SLC4A11: variants seen among roughly 807,000 people sequenced by gnomAD.
The protein encoded by SLC4A11 is solute carrier family 4 member 11, also known as bicarbonate transporter related protein 1.
SLC4A11 carries 74 observed loss-of-function variants against 95.0 expected under a neutral mutation model. The observed-to-expected ratio is 0.78, with a 90% CI of 0.65 to 0.95. The LOEUF (loss-of-function observed/expected upper bound fraction) is 0.95, where lower values mean the gene tolerates loss of function less well. SLC4A11 is among the 40% of genes least tolerant of loss of function. The pLI is 0.00. For missense variants in SLC4A11, 1,081 were observed against 1,192.4 expected, an observed-to-expected ratio of 0.91 and a Z score of 1.38; for synonymous variants, 548 against 519.0, an observed-to-expected ratio of 1.06 and a Z score of -0.76.
At chr20:3,230,336 C>A in intron 12 of SLC4A11, 76 bp from the exon 13 acceptor site, 1 of 1,584,430 alleles carries the variant, frequency 6.3e-7, no homozygotes, top group Non-Finnish European at 8.7e-7. Context: ...TGAGCCCCTG[C>A]ACAGTCCCCT....
intron 1 of SLC4A11, chr20:3,237,993 C>T (rs752737704): frequency 1.3e-6 from 2 of 1,547,466 alleles, no homozygotes; most frequent in African/African-American, 1.4e-5. Flanking sequence ...TCCTCGGATG[C>T]CAAGGCGGGG....
Position 3,234,274 on chromosome 20 carries a change from T to C in SLC4A11, c.332A>G (p.His111Arg). ...CGCCAGGAAGCCATCTAGGTCGCGG[T>C]GCGCACGGATCTCTTCCTTGAAGTT... ...LKNFKEEIRA[H>R]RDLDGFLAQA... The change falls in exon 5 of 20, where the codon CAC becomes CGC. Residue 111 changes from histidine to arginine, a missense_variant. Around this residue, in one of 3 missense-constraint regions of SLC4A11, gnomAD observed 310 missense variants for 313.5 expected, o/e 0.99. Coordinates refer to ENST00000642402, the MANE Select transcript of SLC4A11 (RefSeq NM_001174089.2). This position sits in a 1 kb window ranked among gnomAD's most constrained non-coding sequence, Gnocchi z 5.8. 1 of 1,613,998 alleles carries C rather than the reference T, an allele frequency of 6.2e-7. No homozygotes were observed. Among genetic ancestry groups the C allele is most frequent in the Non-Finnish European group, 8.5e-7 (1 of 1,180,002 alleles).
intron 7 of SLC4A11, among the ~76,000 whole-genome samples, chr20:3,232,035 C>T (rs1034096742): frequency 6.6e-6 from 1 of 152,124 alleles, no homozygotes; most frequent in Non-Finnish European, 1.5e-5. Flanking sequence ...AGCAGATCAC[C>T]GCAACTACCA....
chr20:3,228,969 G>A lies in SLC4A11; in HGVS notation c.2061C>T (p.Leu687=), dbSNP rs140461431. 1,615 of 1,613,810 alleles carry A rather than the reference G, an allele frequency of 1.0e-3. 16 individuals are homozygous for A. In the African/African-American group the frequency reaches 0.019, roughly 19 times the overall value. ...GTAYHWDLLL[L]AIINTGLSLF... is the part of the protein sequence containing the mutation. Reference sequence around the variant, plus strand: ...GAGACAGCCCTGTGTTGATGATGGCGAGGAGCAGGAGGTCCCAGTGGTAGG... The same window carrying A: ...GAGACAGCCCTGTGTTGATGATGGCAAGGAGCAGGAGGTCCCAGTGGTAGG... The change falls in exon 17 of 20, where the codon CTC becomes CTT. Residue 687 remains leucine (L), a synonymous_variant. Transcript: ENST00000642402.
chr20:3,236,629 G>A (rs761526552), intron 2 of SLC4A11, among the ~76,000 whole-genome samples: 19 of 152,016 alleles, frequency 1.2e-4, no homozygotes. Context: ...CGTCCTCACT[G>A]CTTTGGTTCT....
chr20:3,229,060 G>GGGCCCCCCCCCCCCCC, intron 16 of SLC4A11, 35 bp downstream of exon 16: 2 of 1,542,034 alleles, frequency 1.3e-6, no homozygotes, highest in Non-Finnish European at 1.7e-6. Context: ...AGAGGCCCGG[G>GGGCCCCCCCCCCCCCC]CCCCGCCCAC....
Position 3,234,285 on chromosome 20 carries a change from C to T in SLC4A11, c.321G>A (p.Glu107=). The T allele has an allele frequency of 1.2e-6, 2 of 1,614,012 alleles. No homozygotes were observed. Among genetic ancestry groups the T allele is most frequent in the Non-Finnish European group, 1.7e-6 (2 of 1,180,012 alleles). The change falls in exon 5 of 20, where the codon GAG becomes GAA. Residue 107 remains glutamate (E), a synonymous_variant. Coordinates refer to ENST00000642402, the MANE Select transcript of SLC4A11 (RefSeq NM_001174089.2). The surrounding 1 kb of genome is among the most constrained non-coding windows in gnomAD (Gnocchi z 5.8). ...KYLKLKNFKE[E]IRAHRDLDGF... Reference sequence around the variant, plus strand: ...CATCTAGGTCGCGGTGCGCACGGATCTCTTCCTTGAAGTTCTTTAACTTCA... The same window carrying T: ...CATCTAGGTCGCGGTGCGCACGGATTTCTTCCTTGAAGTTCTTTAACTTCA...
Position 3,229,449 on chromosome 20 carries a change from G to A in SLC4A11, c.1746C>T (p.Pro582=). ...GYTLYQFKKS[P]YLHPCVREIL... ...TCTCTCGCACGCAGGGGTGCAGGTA[G>A]GGGCTGGGGACAGCAGGTGCATGAG... The change falls in exon 15 of 20, where the codon CCC becomes CCT. Residue 582 remains proline, a synonymous_variant. Transcript: ENST00000642402. The A allele has an allele frequency of 1.9e-6, 3 of 1,613,226 alleles. No individual in the cohort carries two copies. Among genetic ancestry groups the A allele is most frequent in the African/African-American group, 2.7e-5 (2 of 75,068 alleles).
Position 3,231,092 on chromosome 20 carries a change from G to A in SLC4A11, c.1043-34C>T, listed in dbSNP as rs1474255787. ...GGGGGATGGGAGAGAGGGTTTGCTG[G>A]GGATGCAGGACAGGCACACGTGTGG... is the stretch of plus-strand genomic sequence containing the variant. On this transcript the variant is annotated intron_variant, in intron 9 of 19. Coordinates refer to ENST00000642402, the MANE Select transcript of SLC4A11 (RefSeq NM_001174089.2). This position sits in a 1 kb window ranked among gnomAD's most constrained non-coding sequence, Gnocchi z 5.2. 5.6e-6 allele frequency: 9 copies of A among 1,614,152 alleles called. No homozygotes were observed. The highest frequency in any genetic ancestry group is 7.6e-6 in the Non-Finnish European group (9 of 1,180,022).
chr20:3,239,445 C>G (rs1215104700), upstream of SLC4A11: 12 of 1,047,552 alleles, frequency 1.1e-5, no homozygotes, highest in Non-Finnish European at 1.3e-5. Context: ...CTGTGCGCGC[C>G]GGACCCAGCA....
chr20:3,230,369 G>A (rs893036789), intron 12 of SLC4A11, 109 bp from the exon 13 acceptor site: 2 of 1,578,394 alleles, frequency 1.3e-6, no homozygotes, highest in Non-Finnish European at 1.7e-6. Flanking sequence ...CAGGAAGAAG[G>A]CCAGGGCCCC....
chr20:3,228,773 T>C (rs1003409298), intron 17 of SLC4A11, 65 bp downstream of exon 17: 18 of 1,612,716 alleles, frequency 1.1e-5, no homozygotes, highest in Non-Finnish European at 1.4e-5. Flanking sequence ...CTCCTCCCTA[T>C]GTCCCATGTG....
intron 1 of SLC4A11, 101 bp downstream of exon 1, chr20:3,238,994 G>A (rs1009608937): frequency 2.2e-6 from 3 of 1,366,618 alleles, no homozygotes; most frequent in Non-Finnish European, 2.8e-6. Flanking sequence ...CCCGGCCCGC[G>A]CAGGCAGACG....
At chr20:3,239,026 T>C in intron 1 of SLC4A11, 69 bp downstream of exon 1, 2 of 1,445,236 alleles carry the variant, frequency 1.4e-6, no homozygotes, top group Non-Finnish European at 1.8e-6. Context: ...CTCCCCGGGG[T>C]CCCCGACGGG....
chr20:3,235,717 G>C (rs2067961555), intron 2 of SLC4A11, among the ~76,000 whole-genome samples: 1 of 152,080 alleles, frequency 6.6e-6, no homozygotes, highest in African/African-American at 2.4e-5. Context: ...CTGGTAACAT[G>C]CAAATATTCC....
intron 1 of SLC4A11, 122 bp from the exon 2 acceptor site, chr20:3,237,710 G>C: frequency 6.2e-7 from 1 of 1,613,966 alleles, no homozygotes; most frequent in African/African-American, 1.3e-5. Context: ...TGCAACCCAC[G>C]CCACCCTAGG....
rs200017060 is a variant in SLC4A11, at chr20:3,230,433, C to A, written c.1415+82G>T. On this transcript the variant is annotated intron_variant, in intron 12 of 19. Coordinates refer to ENST00000642402, the MANE Select transcript of SLC4A11 (RefSeq NM_001174089.2). ...TTGGGGCAGCAATATGGTGGGGGCA[C>A]CCCCACCACCCTGGGGTTACAGGGG... 6.2e-6 allele frequency: 10 copies of A among 1,605,180 alleles called. No individual in the cohort carries two copies. The African/African-American group carries it at 8.0e-5, about 13-fold the overall frequency.
chr20:3,233,608 T>G lies in SLC4A11; in HGVS notation c.635A>C (p.His212Pro). 2.5e-6 allele frequency: 4 copies of G among 1,613,384 alleles called. No individual in the cohort carries two copies. The highest frequency in any genetic ancestry group is 3.4e-6 in the Non-Finnish European group (4 of 1,180,004). ...GCGAACCAGGCGGCTGATGCACACGTGCCGCTTCTGTAGGGCCTTCATGGT... is the reference window on the plus strand; with the variant it reads ...GCGAACCAGGCGGCTGATGCACACGGGCCGCTTCTGTAGGGCCTTCATGGT... ...ICTMKALQKR[H>P]VCISRLVRPQ... Residue 212 changes from histidine (H) to proline (P), a missense_variant, in exon 7 of 20, where the codon CAC becomes CCC. By Grantham distance (77) the His-to-Pro change is moderately conservative. Transcript: ENST00000642402.
rs933717653 is a variant in SLC4A11, at chr20:3,227,652, C to T, written c.*135G>A. 3.3e-6 allele frequency: 3 copies of T among 901,992 alleles called. No homozygotes were observed. Among genetic ancestry groups the T allele is most frequent in the Non-Finnish European group, 5.3e-6 (3 of 569,228 alleles). The allele number at this position is 901,992 out of a possible 1,614,324, so 55.9% of individuals were successfully genotyped here. ...CTGCACCCCTACAATGCCCAGATGC[C>T]CCAGGCCTGAGTCAGCCATGAGAAG... is the stretch of plus-strand genomic sequence containing the variant. On this transcript the variant is annotated 3_prime_UTR_variant, in exon 20 of 20. Coordinates refer to ENST00000642402, the MANE Select transcript of SLC4A11 (RefSeq NM_001174089.2).
Sources: allele counts gnomAD v4.1 joint callset (sites outside exome capture counted in the v4.1 genomes callset), GRCh38; gene constraint gnomAD v4.1.1; regional missense constraint gnomAD v4.1.1; non-coding constraint Gnocchi (gnomAD v3.1); transcripts MANE v1.5; gene names NCBI Gene and HGNC (gene_info 2026-07-23, HGNC 2026-07-21).